Variants in MYO1E observed in about 807,000 individuals in gnomAD.
MYO1E encodes unconventional myosin-Ie.
A neutral mutation model predicts 151.1 loss-of-function variants in MYO1E; 68 were observed. The ratio of observed to expected loss-of-function variants is 0.45; its 90% confidence interval spans 0.37 to 0.55. The LOEUF (loss-of-function observed/expected upper bound fraction) is 0.55, where lower values mean the gene tolerates loss of function less well. Among genes scored for constraint, MYO1E ranks in the 20% least tolerant of loss-of-function variants. The pLI is 0.00. For synonymous variants in MYO1E, 601 were observed against 501.7 expected, an observed-to-expected ratio of 1.20 and a Z score of -2.64; for missense variants, 1,363 against 1,389.3, an observed-to-expected ratio of 0.98 and a Z score of 0.30.
intron 17 of MYO1E, among the ~76,000 whole-genome samples, chr15:59,190,619 C>G (rs2079727034): frequency 6.6e-6 from 1 of 152,242 alleles, no homozygotes; most frequent in South Asian, 2.1e-4. Flanking sequence ...TCTGGTGCTG[C>G]ATTCCTGCTG....
intron 1 of MYO1E, among the ~76,000 whole-genome samples, chr15:59,282,311 C>G (rs1172269232): frequency 2.0e-5 from 3 of 152,212 alleles, no homozygotes; most frequent in Non-Finnish European, 4.4e-5. Context: ...CCCAAGCCCC[C>G]TGCTCTGTCT....
intron 1 of MYO1E, among the ~76,000 whole-genome samples, chr15:59,332,987 T>C (rs182723374): frequency 0.012 from 1,787 of 152,300 alleles, 17 homozygotes; most frequent in Non-Finnish European, 0.015. Context: ...GAGTGAGGAA[T>C]TGAGCTGGAC....
chr15:59,215,649 C>T (rs2079908894), intron 10 of MYO1E, among the ~76,000 whole-genome samples: 1 of 152,134 alleles, frequency 6.6e-6, no homozygotes, highest in Non-Finnish European at 1.5e-5. Flanking sequence ...TCCAGGCAAA[C>T]AAAATGAAAT....
intron 14 of MYO1E, chr15:59,208,197 G>C: frequency 1.0e-6 from 1 of 994,076 alleles, no homozygotes; most frequent in South Asian, 1.9e-5. Flanking sequence ...AGGAAAGTAG[G>C]TAGAGTGATT....
chr15:59,288,174 TTTC>T, intron 1 of MYO1E, among the ~76,000 whole-genome samples: 1 of 152,202 alleles, frequency 6.6e-6, no homozygotes, highest in African/African-American at 2.4e-5. Flanking sequence ...TAAATTAATC[TTTC>T]TTTTCTTTTC....
Position 59,227,542 on chromosome 15 carries a change from C to T in MYO1E, c.559G>A (p.Gly187Arg). 1 of 1,614,142 alleles carries T rather than the reference C, an allele frequency of 6.2e-7. No individual in the cohort carries two copies. The highest frequency in any genetic ancestry group is 8.5e-7 in the Non-Finnish European group (1 of 1,179,998). ...TCCAGAAGGAAGTTGGAGATCTTTC[C>T]ACCATCTGGTTCCCCACCTGGACTG... ...QFSPGGEPDG[G>R]KISNFLLEKS... The change falls in exon 7 of 28, where the codon GGA (glycine) becomes AGA (arginine). Residue 187 changes from glycine to arginine, a missense_variant. Coordinates refer to ENST00000288235, the MANE Select transcript of MYO1E (RefSeq NM_004998.4).
At chr15:59,360,415 A>G (rs1328743963) in intron 1 of MYO1E, among the ~76,000 whole-genome samples, 1 of 152,146 alleles carries the variant, frequency 6.6e-6, no homozygotes, top group East Asian at 1.9e-4. Flanking sequence ...TGGACAGCTC[A>G]GAGGTGGGCG....
chr15:59,267,455 G>A (rs558822155), intron 2 of MYO1E, among the ~76,000 whole-genome samples: 2 of 152,308 alleles, frequency 1.3e-5, no homozygotes, highest in Admixed American at 6.5e-5. Flanking sequence ...GTGGAGAGTG[G>A]GTGGCCTGGA....
intron 15 of MYO1E, among the ~76,000 whole-genome samples, chr15:59,203,416 T>C (rs966983066): frequency 1.3e-5 from 2 of 151,090 alleles, no homozygotes; most frequent in Non-Finnish European, 2.9e-5. Flanking sequence ...AGTCTCGCTC[T>C]GTCACCAGGC....
intron 25 of MYO1E, 62 bp downstream of exon 25, chr15:59,158,225 A>G (rs1021051903): frequency 2.9e-6 from 4 of 1,372,928 alleles, no homozygotes; most frequent in Admixed American, 3.9e-5. Context: ...CTTCCCAAAC[A>G]TATTTTATAA....
At chr15:59,322,857 G>A (rs1311810781) in intron 1 of MYO1E, among the ~76,000 whole-genome samples, 1 of 151,954 alleles carries the variant, frequency 6.6e-6, no homozygotes, top group African/African-American at 2.4e-5. Flanking sequence ...TTTTTTAAAG[G>A]TATATAAGAA....
chr15:59,133,787 T>TTAAC lies in MYO1E; in HGVS notation c.*3589_*3592dup, dbSNP rs1462972984. 1 of 152,238 alleles carries TTAAC rather than the reference T, an allele frequency of 6.6e-6. No individual in the cohort carries two copies. Among genetic ancestry groups the TTAAC allele is most frequent in the African/African-American group, 2.4e-5 (1 of 41,432 alleles). The allele number at this position is 152,238 out of a possible 1,614,324, so 9.4% of individuals were successfully genotyped here. A position where few individuals can be genotyped will look rare whatever the true frequency, so the allele number is the denominator to read the frequency against. Reference sequence around the variant, plus strand: ...ATCCAGCCCTACTGCCAGTGAAATCTTAACTGGGACAACACCTATAAAAGA... The same window carrying TTAAC: ...ATCCAGCCCTACTGCCAGTGAAATCTTAACTAACTGGGACAACACCTATAAAAGA... On this transcript the variant is annotated 3_prime_UTR_variant, in exon 28 of 28. Coordinates refer to ENST00000288235, the MANE Select transcript of MYO1E (RefSeq NM_004998.4).
intron 1 of MYO1E, among the ~76,000 whole-genome samples, chr15:59,322,669 G>C (rs1210917162): frequency 1.3e-5 from 2 of 152,186 alleles, no homozygotes; most frequent in Non-Finnish European, 2.9e-5. Context: ...CTGTCAGAGG[G>C]AAAGTGAAAT....
intron 1 of MYO1E, among the ~76,000 whole-genome samples, chr15:59,276,602 G>A (rs1172326539): frequency 6.6e-6 from 1 of 152,190 alleles, no homozygotes; most frequent in African/African-American, 2.4e-5. Flanking sequence ...TTAAAAAGCA[G>A]TTGATTCATG....
At chr15:59,208,406 ATATATGC>A (rs776284220) in intron 14 of MYO1E, 28 of 573,900 alleles carry the variant, frequency 4.9e-5, no homozygotes, top group Non-Finnish European at 7.9e-5. Flanking sequence ...TTTTCATTAG[ATATATGC>A]TATTTCTTTC....
chr15:59,231,825 T>C, intron 5 of MYO1E, 34 bp from the exon 6 acceptor site: 4 of 1,602,268 alleles, frequency 2.5e-6, no homozygotes, highest in Non-Finnish European at 3.4e-6. Flanking sequence ...GTTAGGAAGG[T>C]GTGAACACCT....
chr15:59,277,564 A>AAAAAAAAAAC (rs1555416380), intron 1 of MYO1E, among the ~76,000 whole-genome samples: 3,339 of 139,540 alleles, frequency 0.024, 125 homozygotes, highest in African/African-American at 0.077. Flanking sequence ...AAAAAAAAAA[A>AAAAAAAAAAC]AAAAAAAAAC....
At chr15:59,199,910 G>A (rs1198311167) in intron 16 of MYO1E, among the ~76,000 whole-genome samples, 3 of 152,140 alleles carry the variant, frequency 2.0e-5, no homozygotes, top group Non-Finnish European at 2.9e-5. Context: ...TTATTCCTAC[G>A]TGGAGGCAGA....
intron 14 of MYO1E, chr15:59,207,260 T>C (rs764059714): frequency 6.2e-7 from 1 of 1,614,178 alleles, no homozygotes. Context: ...GAAGACAAAC[T>C]GAAGGGTGAG....
Sources: allele counts gnomAD v4.1 joint callset (sites outside exome capture counted in the v4.1 genomes callset), GRCh38; gene constraint gnomAD v4.1.1; transcripts MANE v1.5; gene names NCBI Gene and HGNC (gene_info 2026-07-23, HGNC 2026-07-21).